COL27A1: variants seen among roughly 807,000 people sequenced by gnomAD.
COL27A1 encodes collagen type XXVII alpha 1 chain.
A neutral mutation model predicts 251.3 loss-of-function variants in COL27A1; 106 were observed. That is an observed-to-expected ratio of 0.42 (90% CI 0.36 to 0.50). The LOEUF (loss-of-function observed/expected upper bound fraction) is 0.50, where lower values mean the gene tolerates loss of function less well. COL27A1 is among the 20% of genes least tolerant of loss of function. The pLI is 0.00. For synonymous variants in COL27A1, 1,000 were observed against 986.3 expected, an observed-to-expected ratio of 1.01 and a Z score of -0.26; for missense variants, 2,325 against 2,522.8, an observed-to-expected ratio of 0.92 and a Z score of 1.68.
intron 13 of COL27A1, 67 bp downstream of exon 13, chr9:114,219,911 C>A: frequency 1.6e-6 from 2 of 1,239,670 alleles, no homozygotes; most frequent in Non-Finnish European, 2.4e-6. Flanking sequence ...ATTTTAGGAG[C>A]CCACGCTTTA....
intron 3 of COL27A1, among the ~76,000 whole-genome samples, chr9:114,170,935 A>G (rs1472778459): frequency 6.6e-6 from 1 of 152,192 alleles, no homozygotes; most frequent in African/African-American, 2.4e-5. Context: ...GGTGAGGTCC[A>G]TGGTCTCAAT....
rs1435012899 is a variant in COL27A1, at chr9:114,168,642, A to G, written c.1087A>G (p.Lys363Glu). The G allele has an allele frequency of 6.2e-7, 1 of 1,614,138 alleles. No homozygotes were observed. The highest frequency in any genetic ancestry group is 1.3e-5 in the African/African-American group (1 of 75,036). The part of the protein sequence containing the change: ...AQPSQKITAT[K>E]IPKSLPTKPS... The stretch of plus-strand genomic sequence containing the variant: ...ACCATCACAGAAGATCACAGCCACC[A>G]AAATCCCCAAAAGCCTCCCTACCAA... Residue 363 changes from lysine to glutamate, a missense_variant, in exon 3 of 61, where the codon AAA becomes GAA. By Grantham distance (56) the Lys-to-Glu change is moderately conservative. Transcript: ENST00000356083.
At chr9:114,180,895 G>A (rs1827854573) in intron 4 of COL27A1, among the ~76,000 whole-genome samples, 1 of 152,230 alleles carries the variant, frequency 6.6e-6, no homozygotes, top group Non-Finnish European at 1.5e-5. Context: ...GGAGCTGAGT[G>A]CTCTGGCCCA....
intron 7 of COL27A1, among the ~76,000 whole-genome samples, chr9:114,199,160 C>T (rs975600015): frequency 6.6e-6 from 1 of 152,148 alleles, no homozygotes; most frequent in African/African-American, 2.4e-5. Context: ...TGCTTTCTTT[C>T]CTGTAGACCA....
At chr9:114,248,466 A>T (rs186665369) in intron 24 of COL27A1, among the ~76,000 whole-genome samples, 223 of 152,270 alleles carry the variant, frequency 1.5e-3, no homozygotes, top group Non-Finnish European at 2.9e-3. Context: ...CTCCTCCCCA[A>T]AACTGGGAAC....
intron 14 of COL27A1, among the ~76,000 whole-genome samples, chr9:114,222,630 G>A (rs575054718): frequency 6.6e-6 from 1 of 152,310 alleles, no homozygotes; most frequent in South Asian, 2.1e-4. Flanking sequence ...GGAGGTGTGG[G>A]CAAGTGGTGA....
At chr9:114,154,368 C>A (rs1451465258), upstream of COL27A1, among the ~76,000 whole-genome samples, 1 of 152,232 alleles carries the variant, frequency 6.6e-6, no homozygotes, top group African/African-American at 2.4e-5. The surrounding 1 kb of genome is among the most constrained non-coding windows in gnomAD (Gnocchi z 5.8). Flanking sequence ...ACGTAGGGAC[C>A]CAGTAAGTGC....
At chr9:114,154,786 T>C (rs1441519665), upstream of COL27A1, among the ~76,000 whole-genome samples, 2 of 152,020 alleles carry the variant, frequency 1.3e-5, no homozygotes, top group Non-Finnish European at 2.9e-5. The surrounding 1 kb of genome is among the most constrained non-coding windows in gnomAD (Gnocchi z 5.8). Flanking sequence ...TGGGAGTGTG[T>C]GTGTGCACCG....
rs1173272272 is a variant in COL27A1, at chr9:114,290,282, TC to T, written c.4320del (p.Ile1440MetfsTer127). 6.3e-7 allele frequency: 1 copy of T among 1,582,066 alleles called. No homozygotes were observed. The part of the protein sequence containing the change: ...GVVGRQGLEG[I>X]AGPDGLPGRD... The stretch of plus-strand genomic sequence containing the variant: ...GTGGGGAGACAGGGCCTCGAGGGCA[TC>T]GCTGGACCAGATGGGCTTCCTGGCA... On this transcript the variant is annotated frameshift_variant, in exon 47 of 61. Coordinates refer to ENST00000356083, the MANE Select transcript of COL27A1 (RefSeq NM_032888.4). LOFTEE classifies it high-confidence loss of function. This position sits in a 1 kb window ranked among gnomAD's most constrained non-coding sequence, Gnocchi z 4.6.
At chr9:114,307,305 G>C (rs1382501875) in intron 58 of COL27A1, 1 of 194,442 alleles carries the variant, frequency 5.1e-6, no homozygotes, top group Non-Finnish European at 1.0e-5. Flanking sequence ...TCCCCCGGCA[G>C]GCCCTAGGAG....
intron 16 of COL27A1, among the ~76,000 whole-genome samples, chr9:114,232,664 C>T (rs548843066): frequency 6.6e-6 from 1 of 152,336 alleles, no homozygotes; most frequent in Non-Finnish European, 1.5e-5. Flanking sequence ...GCACCTGTCT[C>T]TAGGTGCCTC....
intron 16 of COL27A1, among the ~76,000 whole-genome samples, chr9:114,235,178 G>A (rs1281845128): frequency 2.0e-5 from 3 of 152,098 alleles, no homozygotes; most frequent in Non-Finnish European, 2.9e-5. Context: ...GAAAAATTGA[G>A]CAGACACAAA....
chr9:114,177,262 G>T (rs535360517), intron 3 of COL27A1, among the ~76,000 whole-genome samples: 3 of 152,202 alleles, frequency 2.0e-5, no homozygotes, highest in African/African-American at 4.8e-5. Flanking sequence ...AAGTCTGCTC[G>T]GCTGCCTCCC....
intron 12 of COL27A1, among the ~76,000 whole-genome samples, chr9:114,211,946 GTGGT>G (rs1830395701): frequency 6.6e-6 from 1 of 152,202 alleles, no homozygotes; most frequent in African/African-American, 2.4e-5. Context: ...CCCATCGCTG[GTGGT>G]TGGTGAGGAA....
chr9:114,299,661 A>G (rs1229764771), intron 49 of COL27A1, among the ~76,000 whole-genome samples: 1 of 152,208 alleles, frequency 6.6e-6, no homozygotes. Flanking sequence ...GTCCAGGCAA[A>G]ACATCCGGCA....
At chr9:114,188,884 G>A (rs1231052419) in intron 5 of COL27A1, among the ~76,000 whole-genome samples, 1 of 151,956 alleles carries the variant, frequency 6.6e-6, no homozygotes, top group Non-Finnish European at 1.5e-5. Context: ...CTTATGAGTG[G>A]GTTTATTTTG....
intron 24 of COL27A1, among the ~76,000 whole-genome samples, chr9:114,247,541 T>C (rs1222350894): frequency 6.6e-6 from 1 of 152,228 alleles, no homozygotes; most frequent in Non-Finnish European, 1.5e-5. Flanking sequence ...GAGAAGCACG[T>C]TTGACCAAGA....
At chr9:114,232,526 C>G (rs1278718131) in intron 16 of COL27A1, among the ~76,000 whole-genome samples, 1 of 152,238 alleles carries the variant, frequency 6.6e-6, no homozygotes, top group East Asian at 1.9e-4. Context: ...CTAGCCTCTT[C>G]AGACCTTGGC....
chr9:114,182,870 T>A, intron 4 of COL27A1, 152 bp from the exon 5 acceptor site: 1 of 688,700 alleles, frequency 1.5e-6, no homozygotes, highest in South Asian at 1.7e-5. Context: ...CTCCCAAAAG[T>A]AGGCTGAGTG....
Sources: allele counts gnomAD v4.1 joint callset (sites outside exome capture counted in the v4.1 genomes callset), GRCh38; gene constraint gnomAD v4.1.1; non-coding constraint Gnocchi (gnomAD v3.1); transcripts MANE v1.5; gene names NCBI Gene and HGNC (gene_info 2026-07-23, HGNC 2026-07-21).